Variants in ZNF804B observed in about 807,000 individuals in gnomAD.
ZNF804B encodes the protein zinc finger protein 804B, also known as zinc finger 804B.
A neutral mutation model predicts 101.4 loss-of-function variants in ZNF804B; 80 were observed. The ratio of observed to expected loss-of-function variants is 0.79; its 90% confidence interval spans 0.66 to 0.95. The LOEUF (loss-of-function observed/expected upper bound fraction) is 0.95, where lower values mean the gene tolerates loss of function less well. Ranked by LOEUF, ZNF804B falls within the 40% of genes least tolerant of loss-of-function variation. The pLI, the probability that ZNF804B is intolerant of heterozygous loss-of-function variation, is 0.00. For missense variants in ZNF804B, 1,673 were observed against 1,561.9 expected (o/e 1.07, Z -1.20); for synonymous variants, 622 against 558.8 (o/e 1.11, Z -1.59).
intron 1 of ZNF804B, among the ~76,000 whole-genome samples, chr7:89,164,508 A>C (rs1448955262): frequency 1.3e-5 from 2 of 152,162 alleles, no homozygotes; most frequent in Non-Finnish European, 2.9e-5. Context: ...AGAAGAACTC[A>C]GGAGTTTACA....
intron 1 of ZNF804B, among the ~76,000 whole-genome samples, chr7:89,051,070 C>A (rs1789197938): frequency 6.6e-6 from 1 of 151,858 alleles, no homozygotes; most frequent in Admixed American, 6.6e-5. Flanking sequence ...CACAATGTTC[C>A]ATAATATAGA....
chr7:88,839,860 C>G (rs1281800969), intron 1 of ZNF804B, among the ~76,000 whole-genome samples: 1 of 151,920 alleles, frequency 6.6e-6, no homozygotes, highest in Non-Finnish European at 1.5e-5. Context: ...ATCAAATAAT[C>G]TATACATAGC....
chr7:88,868,360 TAGGAC>T lies in ZNF804B; in HGVS notation c.108+108279_108+108283del, dbSNP rs1336908113. On this transcript the variant is annotated intron_variant, in intron 1 of 3. Transcript: ENST00000333190. Reference sequence around the variant, plus strand: ...TTATTAAAGAACAAGAACCTGATGTTAGGACAGAATAAAGGTATTTGAGTATAATA... The same window carrying T: ...TTATTAAAGAACAAGAACCTGATGTTAGAATAAAGGTATTTGAGTATAATA... 1.6e-4 allele frequency among the ~76,000 whole-genome samples: 24 copies of T among 152,296 alleles called. No homozygotes were observed. The South Asian group carries it at 2.5e-3, about 16-fold the overall frequency.
At chr7:88,962,119 C>G (rs975880056) in intron 1 of ZNF804B, among the ~76,000 whole-genome samples, 1 of 151,188 alleles carries the variant, frequency 6.6e-6, no homozygotes, top group Admixed American at 6.6e-5. Context: ...ATTGAAGAAA[C>G]TGGTAATGAC....
intron 1 of ZNF804B, among the ~76,000 whole-genome samples, chr7:89,105,516 T>G (rs1196353207): frequency 6.6e-6 from 1 of 152,062 alleles, no homozygotes; most frequent in Non-Finnish European, 1.5e-5. Context: ...CCCATATGTT[T>G]CCTTGACCGT....
intron 1 of ZNF804B, among the ~76,000 whole-genome samples, chr7:88,946,511 T>G (rs1793131410): frequency 6.6e-6 from 1 of 151,562 alleles, no homozygotes; most frequent in Non-Finnish European, 1.5e-5. Context: ...TTTATTGAGG[T>G]TTATTGCGTC....
At chr7:89,260,189 T>A (rs942037232) in intron 2 of ZNF804B, among the ~76,000 whole-genome samples, 6 of 152,188 alleles carry the variant, frequency 3.9e-5, no homozygotes, top group Admixed American at 3.9e-4. Context: ...CTTATTTTTT[T>A]CCTTTCATCG....
intron 1 of ZNF804B, among the ~76,000 whole-genome samples, chr7:89,105,858 C>T (rs895722603): frequency 2.6e-5 from 4 of 152,082 alleles, no homozygotes; most frequent in African/African-American, 9.7e-5. Flanking sequence ...CCCATGACCC[C>T]TTTGTTAGGT....
At chr7:88,982,961 C>A (rs1793712761) in intron 1 of ZNF804B, among the ~76,000 whole-genome samples, 1 of 152,044 alleles carries the variant, frequency 6.6e-6, no homozygotes, top group African/African-American at 2.4e-5. Flanking sequence ...TCTTACTAAG[C>A]TTTAGGTGGA....
intron 1 of ZNF804B, among the ~76,000 whole-genome samples, chr7:89,163,966 A>AT (rs1791105617): frequency 6.6e-6 from 1 of 151,212 alleles, no homozygotes; most frequent in South Asian, 2.1e-4. Context: ...ATAAGCTGAT[A>AT]TTTTTACGCA....
intron 1 of ZNF804B, among the ~76,000 whole-genome samples, chr7:88,834,247 G>A (rs761950060): frequency 8.6e-5 from 13 of 151,864 alleles, no homozygotes; most frequent in South Asian, 2.1e-4. Flanking sequence ...AATAATATAC[G>A]AATGACATGA....
Position 88,821,731 on chromosome 7 carries a change from A to G in ZNF804B, c.108+61647A>G, listed in dbSNP as rs1049173749. 2.5e-4 allele frequency among the ~76,000 whole-genome samples: 38 copies of G among 152,152 alleles called. 1 individual carries two copies. The highest frequency in any genetic ancestry group is 8.0e-4 in the African/African-American group (33 of 41,460). On this transcript the variant is annotated intron_variant, in intron 1 of 3. Transcript: ENST00000333190. ...AATTATAAAATCAAAGGAAACCACT[A>G]TAGTTTTAAAAGTATCTGTTTTGGC...
intron 3 of ZNF804B, among the ~76,000 whole-genome samples, chr7:89,329,287 C>T (rs1267488363): frequency 2.0e-5 from 3 of 151,816 alleles, no homozygotes; most frequent in Middle Eastern, 6.8e-3. Context: ...GTCTACTGCC[C>T]ATCACCTGCC....
intron 1 of ZNF804B, among the ~76,000 whole-genome samples, chr7:88,834,795 T>C (rs1791185652): frequency 6.6e-6 from 1 of 151,812 alleles, no homozygotes; most frequent in Non-Finnish European, 1.5e-5. Context: ...TTGTTCTTTA[T>C]ACTTTGATAC....
chr7:88,859,468 A>T (rs1027330450), intron 1 of ZNF804B, among the ~76,000 whole-genome samples: 3 of 152,138 alleles, frequency 2.0e-5, no homozygotes, highest in African/African-American at 7.2e-5. Flanking sequence ...GTCATGATTT[A>T]TGTGAGTTAT....
chr7:89,136,734 T>TGA (rs1316139654), intron 1 of ZNF804B, among the ~76,000 whole-genome samples: 3 of 109,282 alleles, frequency 2.7e-5, no homozygotes, highest in South Asian at 5.6e-4. Flanking sequence ...TGTGTGTGTG[T>TGA]GAGTGTGTGT....
intron 1 of ZNF804B, among the ~76,000 whole-genome samples, chr7:89,057,986 A>AATATTCTATC (rs1789323063): frequency 6.6e-6 from 1 of 152,106 alleles, no homozygotes; most frequent in Non-Finnish European, 1.5e-5. Context: ...GGCATTTATC[A>AATATTCTATC]ATATTCTATC....
At chr7:89,297,332 T>C (rs888747533) in intron 2 of ZNF804B, among the ~76,000 whole-genome samples, 2 of 152,066 alleles carry the variant, frequency 1.3e-5, no homozygotes, top group Admixed American at 6.6e-5. Flanking sequence ...GCAACTGGTC[T>C]TGCTGTCTAA....
intron 2 of ZNF804B, among the ~76,000 whole-genome samples, chr7:89,308,609 A>G (rs1255911179): frequency 6.6e-6 from 1 of 152,292 alleles, no homozygotes; most frequent in South Asian, 2.1e-4. Flanking sequence ...TTCCATTCAC[A>G]TGGATATCAC....
Sources: gnomAD v4.1 joint callset for allele counts (sites outside exome capture counted in the v4.1 genomes callset) on GRCh38, gnomAD v4.1.1 for gene constraint, MANE v1.5 for transcripts, NCBI Gene and HGNC (gene_info 2026-07-23, HGNC 2026-07-21) for gene names.